The following ANGPT1 variants were observed in gnomAD, a reference collection of about 807,000 sequenced individuals.
The protein encoded by ANGPT1 is angiopoietin 1.
ANGPT1 carries 17 observed loss-of-function variants against 62.2 expected under a neutral mutation model. That is an observed-to-expected ratio of 0.27 (90% CI 0.19 to 0.41). The LOEUF (loss-of-function observed/expected upper bound fraction) is 0.41, where lower values mean the gene tolerates loss of function less well. ANGPT1 is among the 10% of genes least tolerant of loss of function. ANGPT1 has a pLI of 1.00. For synonymous variants in ANGPT1, 199 were observed against 198.9 expected, an observed-to-expected ratio of 1.00 and a Z score of 0.00; for missense variants, 478 against 594.9, an observed-to-expected ratio of 0.80 and a Z score of 2.04.
intron 1 of ANGPT1, among the ~76,000 whole-genome samples, chr8:107,477,639 C>G (rs1156689698): frequency 6.6e-6 from 1 of 152,146 alleles, no homozygotes; most frequent in Non-Finnish European, 1.5e-5. Flanking sequence ...TAATCTCTCT[C>G]TCAAGTATTT....
intron 1 of ANGPT1, among the ~76,000 whole-genome samples, chr8:107,403,501 G>A (rs986327361): frequency 1.1e-4 from 17 of 152,180 alleles, no homozygotes; most frequent in Non-Finnish European, 1.6e-4. Context: ...TGAAATATCC[G>A]TATAGTAGAA....
chr8:107,256,952 G>A (rs1007616685), intron 8 of ANGPT1, among the ~76,000 whole-genome samples: 4 of 152,098 alleles, frequency 2.6e-5, no homozygotes, highest in African/African-American at 9.7e-5. Context: ...CGCCTCTCGG[G>A]TTCAAGCCAT....
At chr8:107,481,210 TTC>T (rs1812671091) in intron 1 of ANGPT1, among the ~76,000 whole-genome samples, 1 of 152,088 alleles carries the variant, frequency 6.6e-6, no homozygotes, top group Non-Finnish European at 1.5e-5. Flanking sequence ...ATTTGGCTCT[TTC>T]TGACTTTTTT....
chr8:107,255,349 A>C (rs1586161836), intron 8 of ANGPT1, among the ~76,000 whole-genome samples: 1 of 152,122 alleles, frequency 6.6e-6, no homozygotes, highest in Non-Finnish European at 1.5e-5. Flanking sequence ...GCTTGGCTGG[A>C]GTGCCAGTGG....
intron 1 of ANGPT1, among the ~76,000 whole-genome samples, chr8:107,482,320 C>A (rs892559221): frequency 3.3e-5 from 5 of 152,128 alleles, no homozygotes; most frequent in African/African-American, 1.2e-4. Flanking sequence ...TGTTCTGAAC[C>A]TTTTCCGAAT....
intron 5 of ANGPT1, among the ~76,000 whole-genome samples, chr8:107,296,937 C>G (rs1385915401): frequency 6.6e-6 from 1 of 151,976 alleles, no homozygotes; most frequent in Non-Finnish European, 1.5e-5. Flanking sequence ...TATTAAAACT[C>G]TATGCACTTA....
chr8:107,430,881 G>A (rs1479569747), intron 1 of ANGPT1, among the ~76,000 whole-genome samples: 1 of 152,204 alleles, frequency 6.6e-6, no homozygotes, highest in Non-Finnish European at 1.5e-5. Context: ...ATTATTTGGT[G>A]CACTAAGATT....
intron 6 of ANGPT1, among the ~76,000 whole-genome samples, chr8:107,291,837 A>G (rs956716844): frequency 2.9e-5 from 4 of 138,354 alleles, no homozygotes; most frequent in African/African-American, 1.1e-4. Flanking sequence ...TAGCATTCCA[A>G]TTCTCCATAC....
intron 1 of ANGPT1, among the ~76,000 whole-genome samples, chr8:107,482,111 T>C (rs1196075207): frequency 2.0e-5 from 3 of 152,234 alleles, no homozygotes; most frequent in Non-Finnish European, 2.9e-5. Flanking sequence ...TGATGTAGCT[T>C]ATGTTAAGAA....
At chr8:107,287,809 T>C (rs1479085375) in intron 6 of ANGPT1, among the ~76,000 whole-genome samples, 1 of 152,178 alleles carries the variant, frequency 6.6e-6, no homozygotes, top group East Asian at 1.9e-4. Context: ...TGAGCCTCAG[T>C]TTCTCTGTCT....
chr8:107,322,496 G>C (rs1031300110), intron 3 of ANGPT1, among the ~76,000 whole-genome samples: 19 of 152,040 alleles, frequency 1.2e-4, no homozygotes, highest in African/African-American at 7.2e-5. Context: ...AAACAGAATA[G>C]TTCAGGAAAA....
At chr8:107,467,799 T>G (rs1336288633) in intron 1 of ANGPT1, among the ~76,000 whole-genome samples, 2 of 152,130 alleles carry the variant, frequency 1.3e-5, no homozygotes. Flanking sequence ...CATCCTAAAG[T>G]GCTACAACAA....
At chr8:107,467,951 A>C (rs985507700) in intron 1 of ANGPT1, among the ~76,000 whole-genome samples, 2 of 152,080 alleles carry the variant, frequency 1.3e-5, no homozygotes, top group East Asian at 1.9e-4. Context: ...TCAGATGAGA[A>C]ATCTGATGCT....
intron 3 of ANGPT1, among the ~76,000 whole-genome samples, chr8:107,322,957 T>G (rs548257920): frequency 6.6e-6 from 1 of 152,146 alleles, no homozygotes; most frequent in Non-Finnish European, 1.5e-5. Flanking sequence ...CTTCCTTTAT[T>G]TCTCAACTCA....
chr8:107,350,731 C>G (rs1815914681), intron 1 of ANGPT1, among the ~76,000 whole-genome samples: 1 of 152,074 alleles, frequency 6.6e-6, no homozygotes. Context: ...GGGCTGCTTT[C>G]TCCAGGAGTA....
chr8:107,280,231 A>C (rs995389619), intron 7 of ANGPT1, among the ~76,000 whole-genome samples: 3 of 150,618 alleles, frequency 2.0e-5, no homozygotes, highest in African/African-American at 7.4e-5. Flanking sequence ...ATGGCGTTTC[A>C]CTCTTGTCGC....
intron 7 of ANGPT1, among the ~76,000 whole-genome samples, chr8:107,273,871 T>C (rs962582729): frequency 6.6e-6 from 1 of 150,968 alleles, no homozygotes; most frequent in African/African-American, 2.4e-5. Flanking sequence ...CATAAATTTA[T>C]ACAAAATTTT....
chr8:107,497,290 A>G lies in ANGPT1; in HGVS notation c.269T>C (p.Met90Thr). The G allele has an allele frequency of 6.2e-7, 1 of 1,614,226 alleles. No individual in the cohort carries two copies. The highest frequency in any genetic ancestry group is 1.1e-5 in the South Asian group (1 of 91,088). The stretch of plus-strand genomic sequence containing the variant: ...TTGCAGCCACTGAGTATAATTTTCC[A>G]TCACATGTTCCAGATGTTGAAGTTT... Reference protein sequence around the residue: ...SQKLQHLEHVMENYTQWLQKL... With the variant: ...SQKLQHLEHVTENYTQWLQKL... The change falls in exon 1 of 9, where the codon ATG becomes ACG. Residue 90 changes from methionine to threonine, a missense_variant. By Grantham distance (81) the Met-to-Thr change is moderately conservative (BLOSUM62 -1). Transcript: ENST00000517746.
intron 1 of ANGPT1, among the ~76,000 whole-genome samples, chr8:107,406,409 A>T (rs1817148903): frequency 6.6e-6 from 1 of 152,064 alleles, no homozygotes; most frequent in Non-Finnish European, 1.5e-5. Context: ...ATTTTAAAAA[A>T]ATTGGCCTAG....
Sources: gnomAD v4.1 joint callset for allele counts (sites outside exome capture counted in the v4.1 genomes callset) on GRCh38, gnomAD v4.1.1 for gene constraint, MANE v1.5 for transcripts, NCBI Gene and HGNC (gene_info 2026-07-23, HGNC 2026-07-21) for gene names.